The following RMC1 variants were observed in gnomAD, a reference collection of about 807,000 sequenced individuals.
RMC1 encodes the protein regulator of MON1-CCZ1, also known as regulator of MON1-CCZ1 complex.
A neutral mutation model predicts 95.5 loss-of-function variants in RMC1; 44 were observed. The ratio of observed to expected loss-of-function variants is 0.46; its 90% CI spans 0.36 to 0.59. The LOEUF (loss-of-function observed/expected upper bound fraction) is 0.59, where lower values mean the gene tolerates loss of function less well. Among genes scored for constraint, RMC1 ranks in the 20% least tolerant of loss-of-function variants. RMC1 has a pLI of 0.00. For missense variants in RMC1, 705 were observed against 819.6 expected, an observed-to-expected ratio of 0.86 and a Z score of 1.71; for synonymous variants, 320 against 303.6, an observed-to-expected ratio of 1.05 and a Z score of -0.56.
chr18:23,527,897 C>T lies in RMC1; in HGVS notation c.1292C>T (p.Ala431Val), dbSNP rs139487898. The change falls in exon 14 of 20, where the codon GCG becomes GTG. Residue 431 changes from alanine (A) to valine (V), a missense_variant. Physicochemically the swap from Ala to Val is moderately conservative, Grantham distance 64. Coordinates refer to ENST00000269221, the MANE Select transcript of RMC1 (RefSeq NM_013326.5). ...KKYLDAEQSYAMAVEAGQSRS... is the reference protein window; with the variant it reads ...KKYLDAEQSYVMAVEAGQSRS... ...TACCTGGATGCCGAGCAGAGTTATG[C>T]GATGGTGAGTTACATGGAGTATGAC... 8.1e-4 allele frequency: 1,299 copies of T among 1,612,394 alleles called. 3 individuals carry two copies. The highest frequency in any genetic ancestry group is 1.1e-3 in the Non-Finnish European group (1,259 of 1,178,754).
intron 5 of RMC1, chr18:23,509,806 G>T (rs1292986747): frequency 6.6e-6 from 1 of 151,844 alleles, no homozygotes; most frequent in Non-Finnish European, 1.5e-5. Flanking sequence ...TGATCCACCC[G>T]CCTCGGCCTC....
At position 23,529,231 on chromosome 18, in the gene RMC1, G is replaced by A. The variant is rs758240733; in HGVS notation, c.1349G>A (p.Arg450Gln). The A allele has an allele frequency of 1.5e-5, 25 of 1,614,034 alleles. No homozygotes were observed. The highest frequency in any genetic ancestry group is 2.2e-5 in the East Asian group (1 of 44,890). Residue 450 changes from arginine to glutamine, a missense_variant, in exon 15 of 20, where the codon CGG (arginine) becomes CAG (glutamine). Physicochemically the swap from Arg to Gln is conservative, Grantham distance 43. Transcript: ENST00000269221. The part of the protein sequence containing the change: ...RSSPLLKRPV[R>Q]TQAVLDQSDV... ...AGCCCGCTCCTCAAGAGGCCGGTGC[G>A]GACCCAGGCGGTGCTGGACCAGTCA...
rs1248124250 is a variant in RMC1, at chr18:23,516,557, A to G, written c.653+134A>G. 1.1e-5 allele frequency: 9 copies of G among 837,466 alleles called. No homozygotes were observed. In the African/African-American group the frequency reaches 1.5e-4, roughly 14 times the overall value. 51.9% of individuals were successfully genotyped at this position (837,466 alleles called of 1,614,324 possible). A position where few individuals can be genotyped will look rare whatever the true frequency, so the allele number is the denominator to read the frequency against. Reference sequence around the variant, plus strand: ...AAGGAGGACTCCCCTTGTTCTGGGTATTCAGTGTATAGGTCCTGTGAACAT... The same window carrying G: ...AAGGAGGACTCCCCTTGTTCTGGGTGTTCAGTGTATAGGTCCTGTGAACAT... On this transcript the variant is annotated intron_variant, in intron 7 of 19. Coordinates refer to ENST00000269221, the MANE Select transcript of RMC1 (RefSeq NM_013326.5).
At chr18:23,529,436 G>T in intron 15 of RMC1, 138 bp downstream of exon 15, 1 of 1,405,358 alleles carries the variant, frequency 7.1e-7, no homozygotes, top group Non-Finnish European at 9.5e-7. Flanking sequence ...AGGCCCTAGA[G>T]CTGGTAGTTT....
chr18:23,516,520 C>A (rs746253204), intron 7 of RMC1, 97 bp downstream of exon 7: 66 of 1,246,810 alleles, frequency 5.3e-5, no homozygotes, highest in Non-Finnish European at 7.5e-5. Context: ...TGCCCTGACC[C>A]CTAGAACACA....
Position 23,518,921 on chromosome 18 carries a change from C to T in RMC1, c.685C>T (p.His229Tyr). Reference protein sequence around the residue: ...YGQLYVLFLRHHSRTSNSTGA... With the variant: ...YGQLYVLFLRYHSRTSNSTGA... ...GCAGCTGTATGTTCTCTTCTTGAGG[C>T]ATCATTCTCGGACCTCCAACAGCAC... Residue 229 changes from histidine (H) to tyrosine (Y), a missense_variant, in exon 8 of 20, where the codon CAT becomes TAT. His to Tyr is a moderately conservative substitution (Grantham distance 83, BLOSUM62 2). Coordinates refer to ENST00000269221, the MANE Select transcript of RMC1 (RefSeq NM_013326.5). The T allele has an allele frequency of 6.2e-7, 1 of 1,614,122 alleles. No homozygotes were observed. Among genetic ancestry groups the T allele is most frequent in the Non-Finnish European group, 8.5e-7 (1 of 1,180,000 alleles).
chr18:23,504,403 C>A lies in RMC1; in HGVS notation c.135C>A (p.Gly45=), dbSNP rs1174775460. ...CTGTTCGATCTGGTGGAGCTACTGG[C>A]GTGGTAGTTAAAGGCCCAGATGATA... ...VFAVRSGGAT[G]VVVKGPDDRN... Residue 45 remains glycine (G), a synonymous_variant, in exon 2 of 20, where the codon GGC becomes GGA. Coordinates refer to ENST00000269221, the MANE Select transcript of RMC1 (RefSeq NM_013326.5). The A allele has an allele frequency of 6.2e-7, 1 of 1,614,106 alleles. No homozygotes were observed. The highest frequency in any genetic ancestry group is 1.1e-5 in the South Asian group (1 of 91,076).
chr18:23,527,223 C>CAAAAAAA (rs386387173), intron 13 of RMC1, among the ~76,000 whole-genome samples: 1 of 43,666 alleles, frequency 2.3e-5, no homozygotes, highest in Non-Finnish European at 5.2e-5. Context: ...CCTGTCTCTA[C>CAAAAAAA]AAAAAAAAAA....
Position 23,520,357 on chromosome 18 carries a change from T to C in RMC1, c.961+44T>C, listed in dbSNP as rs762209476. On this transcript the variant is annotated intron_variant, in intron 10 of 19. Transcript: ENST00000269221. ...AGGAGTCTGTGCTGCCCTTTCACCATGTGGCTGTGTTCTCACCATGATCTT... is the reference window on the plus strand; with the variant it reads ...AGGAGTCTGTGCTGCCCTTTCACCACGTGGCTGTGTTCTCACCATGATCTT... 6 of 1,460,814 alleles carry C rather than the reference T, an allele frequency of 4.1e-6. No homozygotes were observed. The East Asian group carries it at 1.4e-4, about 34-fold the overall frequency. The allele number at this position is 1,460,814 out of a possible 1,614,324, so 90.5% of individuals were successfully genotyped here. A position where few individuals can be genotyped will look rare whatever the true frequency, so the allele number is the denominator to read the frequency against.
chr18:23,524,538 C>G, intron 12 of RMC1, 56 bp downstream of exon 12: 1 of 1,570,632 alleles, frequency 6.4e-7, no homozygotes, highest in Non-Finnish European at 8.8e-7. Flanking sequence ...GACTTTGGAT[C>G]CCAGTTGTAG....
At position 23,527,884 on chromosome 18, in the gene RMC1, G is replaced by A. The variant is rs537587108; in HGVS notation, c.1279G>A (p.Glu427Lys). Residue 427 changes from glutamate to lysine, a missense_variant, in exon 14 of 20, where the codon GAG becomes AAG. Coordinates refer to ENST00000269221, the MANE Select transcript of RMC1 (RefSeq NM_013326.5). ...TGAGTATAAAAAGTACCTGGATGCC[G>A]AGCAGAGTTATGCGATGGTGAGTTA... ...NHEYKKYLDAEQSYAMAVEAG... is the reference protein window; with the variant it reads ...NHEYKKYLDAKQSYAMAVEAG... The A allele has an allele frequency of 4.4e-5, 71 of 1,613,806 alleles. No homozygotes were observed. The highest frequency in any genetic ancestry group is 5.6e-5 in the Non-Finnish European group (66 of 1,179,848).
intron 6 of RMC1, 96 bp from the exon 7 acceptor site, chr18:23,516,224 G>A (rs2058001528): frequency 3.5e-6 from 5 of 1,443,388 alleles, no homozygotes; most frequent in Non-Finnish European, 2.9e-6. Context: ...ATCCAAAGAC[G>A]AAGTCTGTGT....
intron 2 of RMC1, 44 bp from the exon 3 acceptor site, chr18:23,506,926 A>C: frequency 1.6e-6 from 2 of 1,286,348 alleles, no homozygotes; most frequent in Non-Finnish European, 2.2e-6. Flanking sequence ...GGTAGTAGCT[A>C]GAATTCGGTT....
Position 23,527,223 on chromosome 18 carries a change from C to CAAAA in RMC1, c.1189+481_1189+484dup, listed in dbSNP as rs386387173. Among the ~76,000 whole-genome samples, 102 of 43,638 alleles carry CAAAA rather than the reference C, an allele frequency of 2.3e-3. 4 individuals carry two copies. Among genetic ancestry groups the CAAAA allele is most frequent in the Non-Finnish European group, 3.8e-3 (73 of 19,118 alleles). The allele number at this position is 43,638 out of a possible 152,430, so 28.6% of individuals were successfully genotyped here. A position where few individuals can be genotyped will look rare whatever the true frequency, so the allele number is the denominator to read the frequency against. ...ACAACATGGCAAAACCCTGTCTCTA[C>CAAAA]AAAAAAAAAAAAAAAAAAAAAAAAA... On this transcript the variant is annotated intron_variant, in intron 13 of 19. Transcript: ENST00000269221.
intron 15 of RMC1, 75 bp downstream of exon 15, chr18:23,529,373 C>G (rs1457123376): frequency 5.8e-6 from 9 of 1,538,498 alleles, no homozygotes; most frequent in African/African-American, 1.4e-5. Context: ...GAGGAGACTT[C>G]ATGTGATTAG....
chr18:23,518,809 T>C, intron 7 of RMC1, 81 bp from the exon 8 acceptor site: 1 of 1,268,644 alleles, frequency 7.9e-7, no homozygotes, highest in African/African-American at 1.5e-5. Context: ...TATCTTATAA[T>C]TTACTTAACC....
rs760250700 is a variant in RMC1 at position 23,530,583 on chromosome 18, G to A, written c.1865G>A (p.Arg622His). The change falls in exon 19 of 20, where the codon CGT (arginine) becomes CAT (histidine). Residue 622 changes from arginine (R) to histidine (H), a missense_variant. Arg to His is a conservative substitution (Grantham distance 29). Transcript: ENST00000269221. ...IFRFFEQRNQ[R>H]LRGSPNFTPG... ...CGCTTTTTTGAACAGCGAAACCAGC[G>A]TTTGCGAGGGAGCCCCAATTTCACA... is the stretch of plus-strand genomic sequence containing the variant. 24 of 1,613,834 alleles carry A rather than the reference G, an allele frequency of 1.5e-5. No individual in the cohort carries two copies. The highest frequency in any genetic ancestry group is 3.3e-5 in the Admixed American group (2 of 59,980).
intron 15 of RMC1, 40 bp from the exon 16 acceptor site, chr18:23,529,595 C>A (rs2058423041): frequency 9.1e-6 from 14 of 1,546,268 alleles, no homozygotes; most frequent in Non-Finnish European, 1.3e-5. Context: ...CTCTTTTGCA[C>A]CTCGTTGGTA....
intron 10 of RMC1, 113 bp from the exon 11 acceptor site, chr18:23,524,017 T>C (rs772385916): frequency 8.5e-5 from 101 of 1,192,014 alleles, no homozygotes; most frequent in Non-Finnish European, 1.1e-4. Context: ...TTGACTACAA[T>C]TGAATAAACA....
Sources: gnomAD v4.1 joint callset for allele counts (sites outside exome capture counted in the v4.1 genomes callset) on GRCh38, gnomAD v4.1.1 for gene constraint, MANE v1.5 for transcripts, NCBI Gene and HGNC (gene_info 2026-07-23, HGNC 2026-07-21) for gene names.